The following AK8 variants were observed in gnomAD, a reference collection of about 807,000 sequenced individuals.
The protein encoded by AK8 is adenylate kinase 8.
Under a neutral mutation model 54.6 loss-of-function variants are expected in AK8, and 44 were observed. That is an observed-to-expected ratio of 0.81 (90% confidence interval 0.63 to 1.04). The LOEUF is 1.04. AK8 is among the 50% of genes least tolerant of loss of function. The probability of loss-of-function intolerance (pLI) is 0.00; values close to 1 mark genes in which losing one functional copy is unlikely to be tolerated. For synonymous variants in AK8, 239 were observed against 245.6 expected, an observed-to-expected ratio of 0.97 and a Z score of 0.25; for missense variants, 555 against 613.6, an observed-to-expected ratio of 0.90 and a Z score of 1.01.
At chr9:132,762,045 T>C (rs1317871857) in intron 11 of AK8, among the ~76,000 whole-genome samples, 1 of 152,128 alleles carries the variant, frequency 6.6e-6, no homozygotes, top group African/African-American at 2.4e-5. Context: ...AATTTTTGTA[T>C]TTTTAGTAGA....
Position 132,819,725 on chromosome 9 carries a change from T to TCC in AK8, c.889+3479_889+3480insGG, listed in dbSNP as rs1279543253. ...CAACAATGCAGAATACCTATTTTTT[T>TCC]AAGTACACTTGGAATTCACCAGTAT... On this transcript the variant is annotated intron_variant, in intron 9 of 12. Coordinates refer to ENST00000298545, the MANE Select transcript of AK8 (RefSeq NM_152572.3). 1.4e-3 allele frequency among the ~76,000 whole-genome samples: 218 copies of TCC among 152,322 alleles called. 1 individual carries two copies. Among genetic ancestry groups the TCC allele is most frequent in the South Asian group, 2.5e-3 (12 of 4,826 alleles).
At chr9:132,795,023 A>C (rs1209624643) in intron 10 of AK8, among the ~76,000 whole-genome samples, 1 of 152,202 alleles carries the variant, frequency 6.6e-6, no homozygotes, top group Non-Finnish European at 1.5e-5. Flanking sequence ...TGCTTCACGA[A>C]TATTTTCACG....
Position 132,826,812 on chromosome 9 carries a change from CT to C in AK8, c.757+41del. The C allele has an allele frequency of 6.2e-7, 1 of 1,600,280 alleles. No individual in the cohort carries two copies. On this transcript the variant is annotated intron_variant, in intron 8 of 12. Transcript: ENST00000298545. This position sits in a 1 kb window ranked among gnomAD's most constrained non-coding sequence, Gnocchi z 4.5. The stretch of plus-strand genomic sequence containing the variant: ...GGTAGAAGGCACAGCGAGCCCCGCC[CT>C]TGGCCGTCTGTCCAGGGTGGGGCTG...
At chr9:132,853,758 T>C (rs1843059303) in intron 5 of AK8, among the ~76,000 whole-genome samples, 1 of 112,262 alleles carries the variant, frequency 8.9e-6, no homozygotes, top group Non-Finnish European at 1.7e-5. Flanking sequence ...CACTCCAGCC[T>C]GGGCAACAGA....
Position 132,827,813 on chromosome 9 carries a change from A to G in AK8, c.556+200T>C, listed in dbSNP as rs767045912. On this transcript the variant is annotated intron_variant, in intron 7 of 12. Transcript: ENST00000298545. ...ACAAGAAAGTCTCCTCCTTTAGCCT[A>G]AACAGGCCTCCATTTCCTCATCTAC... The G allele has an allele frequency of 1.0e-3, 600 of 578,366 alleles. 1 individual carries two copies. Among genetic ancestry groups the G allele is most frequent in the Admixed American group, 2.7e-3 (84 of 31,622 alleles). 35.8% of individuals were successfully genotyped at this position (578,366 alleles called of 1,614,324 possible). A position where few individuals can be genotyped will look rare whatever the true frequency, so the allele number is the denominator to read the frequency against.
chr9:132,840,841 C>A (rs928455096), intron 5 of AK8, among the ~76,000 whole-genome samples: 1 of 151,974 alleles, frequency 6.6e-6, no homozygotes, highest in East Asian at 1.9e-4. Context: ...TGCAGTGAGC[C>A]GAGATCGCGC....
At position 132,790,614 on chromosome 9, in the gene AK8, A is replaced by G. The variant is rs1839906508; in HGVS notation, c.1121+2020T>C. Among the ~76,000 whole-genome samples, 1 of 152,186 alleles carries G rather than the reference A, an allele frequency of 6.6e-6. No individual in the cohort carries two copies. Among genetic ancestry groups the G allele is most frequent in the African/African-American group, 2.4e-5 (1 of 41,446 alleles). On this transcript the variant is annotated intron_variant, in intron 11 of 12. Transcript: ENST00000298545. The surrounding 1 kb of genome is among the most constrained non-coding windows in gnomAD (Gnocchi z 4.1). ...CAAAAGCCAGTAGCACCTTAATGTCAGCAGTACCAGGACAGCCCTTATGGT... is the reference window on the plus strand; with the variant it reads ...CAAAAGCCAGTAGCACCTTAATGTCGGCAGTACCAGGACAGCCCTTATGGT...
intron 11 of AK8, among the ~76,000 whole-genome samples, chr9:132,785,481 C>T (rs543017314): frequency 2.0e-5 from 3 of 152,278 alleles, no homozygotes; most frequent in East Asian, 3.9e-4. Context: ...TTAATCAAGT[C>T]GTGTTGAAGA....
At chr9:132,859,013 G>A (rs946163093) in intron 4 of AK8, among the ~76,000 whole-genome samples, 6 of 152,192 alleles carry the variant, frequency 3.9e-5, no homozygotes, top group Non-Finnish European at 5.9e-5. Flanking sequence ...CCTGCTCGAC[G>A]CCACTGCCTG....
chr9:132,846,784 C>T (rs2131360909), intron 5 of AK8, among the ~76,000 whole-genome samples: 1 of 152,336 alleles, frequency 6.6e-6, no homozygotes, highest in African/African-American at 2.4e-5. Context: ...TGGCCCTGTG[C>T]ACCATGTGCC....
At chr9:132,763,504 G>A (rs960869526) in intron 11 of AK8, among the ~76,000 whole-genome samples, 1 of 152,222 alleles carries the variant, frequency 6.6e-6, no homozygotes, top group Non-Finnish European at 1.5e-5. Flanking sequence ...TACACAGTAA[G>A]CTGTAATCTA....
At chr9:132,829,702 G>A (rs972492257) in intron 5 of AK8, among the ~76,000 whole-genome samples, 1 of 151,998 alleles carries the variant, frequency 6.6e-6, no homozygotes. Flanking sequence ...TACAGCTAGG[G>A]AACTGGTTTA....
intron 11 of AK8, among the ~76,000 whole-genome samples, chr9:132,753,175 CT>C (rs1212763131): frequency 1.3e-5 from 2 of 152,214 alleles, no homozygotes; most frequent in African/African-American, 4.8e-5. Context: ...TGTTGACCTC[CT>C]TTTGTCCTGG....
At chr9:132,761,263 TCTTTTC>T (rs752148640) in intron 11 of AK8, among the ~76,000 whole-genome samples, 39 of 136,436 alleles carry the variant, frequency 2.9e-4, no homozygotes, top group African/African-American at 1.0e-3. Flanking sequence ...TCTTTTCTTT[TCTTTTC>T]TTTTTTTTTT....
intron 5 of AK8, among the ~76,000 whole-genome samples, chr9:132,848,977 C>T (rs573934553): frequency 3.4e-5 from 5 of 147,268 alleles, no homozygotes; most frequent in African/African-American, 7.6e-5. Flanking sequence ...GGCGTGATCT[C>T]GGCTCACTGC....
At position 132,767,698 on chromosome 9, in the gene AK8, A is replaced by G. The variant is rs933840755; in HGVS notation, c.1121+24936T>C. ...CTACTCACAATAGCCAAGATATGGAATCAACCTAAGTGTCCATCCACGAAT... is the reference window on the plus strand; with the variant it reads ...CTACTCACAATAGCCAAGATATGGAGTCAACCTAAGTGTCCATCCACGAAT... On this transcript the variant is annotated intron_variant, in intron 11 of 12. Transcript: ENST00000298545. Among the ~76,000 whole-genome samples the G allele has an allele frequency of 3.3e-5, 5 of 152,360 alleles. 2 individuals are homozygous for G.
Position 132,787,347 on chromosome 9 carries a change from C to G in AK8, c.1121+5287G>C, listed in dbSNP as rs74930487. 1.3e-3 allele frequency among the ~76,000 whole-genome samples: 192 copies of G among 152,134 alleles called. 4 individuals carry two copies. In the East Asian group the frequency reaches 0.028, roughly 22 times the overall value. On this transcript the variant is annotated intron_variant, in intron 11 of 12. Coordinates refer to ENST00000298545, the MANE Select transcript of AK8 (RefSeq NM_152572.3). ...GAAATTTCACTGTGAAATTTCAGAA[C>G]CCTGGAGACAAAAGGAAGAGCCTAC...
At position 132,765,201 on chromosome 9, in the gene AK8, G is replaced by A. The variant is rs112844601; in HGVS notation, c.1121+27433C>T. Among the ~76,000 whole-genome samples, 811 of 146,464 alleles carry A rather than the reference G, an allele frequency of 5.5e-3. 6 individuals carry two copies. The highest frequency in any genetic ancestry group is 0.019 in the African/African-American group (770 of 40,486). On this transcript the variant is annotated intron_variant, in intron 11 of 12. Coordinates refer to ENST00000298545, the MANE Select transcript of AK8 (RefSeq NM_152572.3). Reference sequence around the variant, plus strand: ...CCAGCTACTCGGGAGGCTGAGGCGGGAGAGTTGCTTGAGCCCAGGGGGCGG... The same window carrying A: ...CCAGCTACTCGGGAGGCTGAGGCGGAAGAGTTGCTTGAGCCCAGGGGGCGG...
At chr9:132,756,399 G>A (rs772383308) in intron 11 of AK8, among the ~76,000 whole-genome samples, 8 of 152,250 alleles carry the variant, frequency 5.3e-5, no homozygotes, top group Admixed American at 3.3e-4. Flanking sequence ...GCTTGGCTCC[G>A]AAGCCAGGCG....
Sources: allele counts gnomAD v4.1 joint callset (sites outside exome capture counted in the v4.1 genomes callset), GRCh38; gene constraint gnomAD v4.1.1; non-coding constraint Gnocchi (gnomAD v3.1); transcripts MANE v1.5; gene names NCBI Gene and HGNC (gene_info 2026-07-23, HGNC 2026-07-21).